The following MCUB variants were observed in gnomAD, a reference collection of about 807,000 sequenced individuals.
MCUB encodes calcium uniporter regulatory subunit MCUb, mitochondrial.
MCUB carries 46 observed loss-of-function variants against 41.4 expected under a neutral mutation model. The observed-to-expected ratio is 1.11, with a 90% CI of 0.88 to 1.42. MCUB has a LOEUF of 1.42. Among genes scored for constraint, MCUB ranks in the 40% most tolerant of loss-of-function variants. The pLI, the probability that MCUB is intolerant of heterozygous loss-of-function variation, is 0.00. For synonymous variants in MCUB, 148 were observed against 148.2 expected (o/e 1.00, Z 0.01); for missense variants, 403 against 404.9 (o/e 1.00, Z 0.04).
rs550034988 is a variant in MCUB, at chr4:109,592,481, C to T, written c.99+32045C>T. On this transcript the variant is annotated intron_variant, in intron 1 of 7. Coordinates refer to ENST00000394650, the MANE Select transcript of MCUB (RefSeq NM_017918.5). ...CACCTGTAGATATTTTTATGTAACACAAACATGCCACAAGTTCATGTTTGA... is the reference window on the plus strand; with the variant it reads ...CACCTGTAGATATTTTTATGTAACATAAACATGCCACAAGTTCATGTTTGA... 6.6e-5 allele frequency among the ~76,000 whole-genome samples: 10 copies of T among 152,084 alleles called. No homozygotes were observed. In the East Asian group the frequency reaches 1.9e-3, roughly 29 times the overall value.
At position 109,613,330 on chromosome 4, in the gene MCUB, G is replaced by A. The variant is rs150281094; in HGVS notation, c.100-45681G>A. The stretch of plus-strand genomic sequence containing the variant: ...CACATTTATTAGCTCAGTTTCTGTA[G>A]TCCGGGAATCCAGGTATGCTGAGGT... On this transcript the variant is annotated intron_variant, in intron 1 of 7. Transcript: ENST00000394650. Among the ~76,000 whole-genome samples the A allele has an allele frequency of 5.9e-3, 902 of 152,268 alleles. 24 individuals are homozygous for A. The East Asian group carries it at 0.066, about 11-fold the overall frequency.
intron 1 of MCUB, among the ~76,000 whole-genome samples, chr4:109,617,604 T>A (rs1728159559): frequency 6.6e-6 from 1 of 152,218 alleles, no homozygotes; most frequent in Non-Finnish European, 1.5e-5. Flanking sequence ...AGTATCATTG[T>A]CATGAATCTT....
At chr4:109,567,791 C>T (rs1051621880) in intron 1 of MCUB, among the ~76,000 whole-genome samples, 5 of 152,006 alleles carry the variant, frequency 3.3e-5, no homozygotes, top group East Asian at 1.9e-4. Context: ...CTCCACCTCC[C>T]GGGTTCAAGC....
chr4:109,575,374 G>A (rs1337343611), intron 1 of MCUB, among the ~76,000 whole-genome samples: 2 of 152,104 alleles, frequency 1.3e-5, no homozygotes, highest in Admixed American at 6.5e-5. Flanking sequence ...GGTCATTGGG[G>A]GTTAGACTGT....
intron 1 of MCUB, among the ~76,000 whole-genome samples, chr4:109,611,884 C>A (rs1419218394): frequency 6.6e-6 from 1 of 152,176 alleles, no homozygotes. Context: ...TATGATGATG[C>A]TGCATTGATC....
intron 1 of MCUB, among the ~76,000 whole-genome samples, chr4:109,596,697 A>G (rs1049721280): frequency 1.3e-5 from 2 of 149,540 alleles, no homozygotes; most frequent in African/African-American, 4.9e-5. Flanking sequence ...AAAGACACAG[A>G]TGTCTTTATT....
chr4:109,606,919 G>A (rs1298187737), intron 1 of MCUB, among the ~76,000 whole-genome samples: 2 of 151,804 alleles, frequency 1.3e-5, no homozygotes, highest in Admixed American at 1.3e-4. Context: ...GCTAATTTTT[G>A]TATTTTTAGT....
chr4:109,602,906 A>T (rs985955983), intron 1 of MCUB, among the ~76,000 whole-genome samples: 1 of 152,080 alleles, frequency 6.6e-6, no homozygotes, highest in Non-Finnish European at 1.5e-5. Context: ...TCATTGCAGG[A>T]ATCTTTCACT....
At chr4:109,569,732 A>ACC in intron 1 of MCUB, among the ~76,000 whole-genome samples, 1 of 151,470 alleles carries the variant, frequency 6.6e-6, no homozygotes, top group East Asian at 2.0e-4. Flanking sequence ...CGAACCCCTG[A>ACC]CCTCAGGTGA....
intron 1 of MCUB, among the ~76,000 whole-genome samples, chr4:109,618,851 C>T (rs1728184313): frequency 6.6e-6 from 1 of 151,932 alleles, no homozygotes; most frequent in Non-Finnish European, 1.5e-5. Context: ...ATAAAATTGC[C>T]AACATAACAA....
chr4:109,654,521 G>C (rs528020429), intron 1 of MCUB, among the ~76,000 whole-genome samples: 1 of 152,232 alleles, frequency 6.6e-6, no homozygotes, highest in South Asian at 2.1e-4. Context: ...TGAGGCAGGA[G>C]AATTGCTTGA....
chr4:109,682,456 T>C (rs1729739371), intron 4 of MCUB, 126 bp from the exon 5 acceptor site: 1 of 735,672 alleles, frequency 1.4e-6, no homozygotes, highest in Non-Finnish European at 2.3e-6. Context: ...TACATGTTTG[T>C]ACACCAGCTT....
rs181038265 is a variant in MCUB, at chr4:109,622,894, C to T, written c.100-36117C>T. Among the ~76,000 whole-genome samples the T allele has an allele frequency of 3.0e-3, 455 of 152,278 alleles. 1 individual carries two copies. The highest frequency in any genetic ancestry group is 3.2e-3 in the Non-Finnish European group (215 of 68,032). ...GCAAGCTACAGCTCCCAGCCAGCCA[C>T]GCATCATGCAGGTCAACAACCAATA... On this transcript the variant is annotated intron_variant, in intron 1 of 7. Coordinates refer to ENST00000394650, the MANE Select transcript of MCUB (RefSeq NM_017918.5).
At position 109,560,390 on chromosome 4, in the gene MCUB, G is replaced by A. The variant is rs1011246950; in HGVS notation, c.53G>A (p.Gly18Asp). The A allele has an allele frequency of 3.0e-5, 40 of 1,327,286 alleles. No homozygotes were observed. The highest frequency in any genetic ancestry group is 6.9e-5 in the Admixed American group (2 of 28,902). The allele number at this position is 1,327,286 out of a possible 1,614,324, so 82.2% of individuals were successfully genotyped here. The change falls in exon 1 of 8, where the codon GGC (glycine) becomes GAC (aspartate). Residue 18 changes from glycine (G) to aspartate (D), a missense_variant. Transcript: ENST00000394650. ...PWRTRLLPTP[G>D]TWRPARPWPL... ...CGCACGCGGCTGCTGCCGACCCCTG[G>A]CACCTGGCGCCCAGCGCGCCCGTGG...
At chr4:109,646,751 T>G (rs1452388931) in intron 1 of MCUB, among the ~76,000 whole-genome samples, 1 of 152,138 alleles carries the variant, frequency 6.6e-6, no homozygotes, top group Non-Finnish European at 1.5e-5. Context: ...ACATGACAAG[T>G]TTCTTAGACC....
chr4:109,629,173 A>G (rs1016067295), intron 1 of MCUB, among the ~76,000 whole-genome samples: 7 of 151,946 alleles, frequency 4.6e-5, no homozygotes, highest in African/African-American at 1.5e-4. Context: ...GTCTTGCTCT[A>G]TCACCCAGGC....
chr4:109,571,211 T>G (rs1186621192), intron 1 of MCUB, among the ~76,000 whole-genome samples: 1 of 152,180 alleles, frequency 6.6e-6, no homozygotes, highest in African/African-American at 2.4e-5. Context: ...TCTTTTTCCT[T>G]CCCCAAACTG....
intron 1 of MCUB, among the ~76,000 whole-genome samples, chr4:109,612,168 G>A (rs1304242767): frequency 6.6e-6 from 1 of 152,056 alleles, no homozygotes; most frequent in Non-Finnish European, 1.5e-5. Flanking sequence ...TCCTATTGAG[G>A]GCTCTCTTCC....
intron 3 of MCUB, among the ~76,000 whole-genome samples, chr4:109,663,940 C>T (rs530041961): frequency 8.5e-5 from 13 of 152,054 alleles, no homozygotes; most frequent in African/African-American, 3.1e-4. Context: ...AAAACTGTCA[C>T]CTGCCACTGC....
Sources: allele counts gnomAD v4.1 joint callset (sites outside exome capture counted in the v4.1 genomes callset), GRCh38; gene constraint gnomAD v4.1.1; transcripts MANE v1.5; gene names NCBI Gene and HGNC (gene_info 2026-07-23, HGNC 2026-07-21).